The following MAN1A2 variants were observed in gnomAD, a reference collection of about 807,000 sequenced individuals.
The protein encoded by MAN1A2 is mannosidase alpha class 1A member 2.
In MAN1A2, 26 loss-of-function variants were observed where a neutral mutation model predicts 75.7. The ratio of observed to expected loss-of-function variants is 0.34; its 90% CI spans 0.25 to 0.48. MAN1A2 has a LOEUF of 0.48. Ranked by LOEUF, MAN1A2 falls within the 20% of genes least tolerant of loss-of-function variation. MAN1A2 has a pLI of 0.99. For missense variants in MAN1A2, 562 were observed against 775.5 expected (o/e 0.72, Z 3.27); for synonymous variants, 247 against 264.6 (o/e 0.93, Z 0.65).
At chr1:117,461,629 A>G (rs1466758125) in intron 7 of MAN1A2, among the ~76,000 whole-genome samples, 1 of 152,194 alleles carries the variant, frequency 6.6e-6, no homozygotes, top group Non-Finnish European at 1.5e-5. Flanking sequence ...ATCATTATAC[A>G]TTATATGCTA....
At chr1:117,484,022 C>G (rs2101863272) in intron 8 of MAN1A2, among the ~76,000 whole-genome samples, 1 of 151,908 alleles carries the variant, frequency 6.6e-6, no homozygotes, top group East Asian at 2.0e-4. Context: ...GACCCTTGAA[C>G]AACACAGGGG....
chr1:117,377,912 A>C (rs1410352192), intron 1 of MAN1A2, among the ~76,000 whole-genome samples: 6 of 152,160 alleles, frequency 3.9e-5, no homozygotes, highest in Non-Finnish European at 7.3e-5. Context: ...CATCCTGGCT[A>C]ACACGCTGAA....
chr1:117,368,336 T>C lies in MAN1A2; in HGVS notation c.153T>C (p.Phe51=), dbSNP rs1407841838. ...TTAGTGCCTTCATCACTCTGTGTTT[T>C]GGGGCATTCTTTTTCCTTCCAGACT... ...LILSAFITLC[F]GAFFFLPDSS... is the part of the protein sequence containing the mutation. The change falls in exon 1 of 13, where the codon TTT becomes TTC. Residue 51 remains phenylalanine, a synonymous_variant. Coordinates refer to ENST00000356554, the MANE Select transcript of MAN1A2 (RefSeq NM_006699.5). 1 of 1,614,196 alleles carries C rather than the reference T, an allele frequency of 6.2e-7. No individual in the cohort carries two copies. The highest frequency in any genetic ancestry group is 1.1e-5 in the South Asian group (1 of 91,082).
chr1:117,479,853 C>T (rs1218868555), intron 8 of MAN1A2, among the ~76,000 whole-genome samples: 3 of 151,714 alleles, frequency 2.0e-5, no homozygotes, highest in Non-Finnish European at 4.4e-5. Flanking sequence ...CCCTAGAAAT[C>T]TTCTTGAACT....
rs1012808455 is a variant in MAN1A2, at chr1:117,524,865, T to C, written c.*1908T>C. 64 of 303,382 alleles carry C rather than the reference T, an allele frequency of 2.1e-4. 1 individual carries two copies. Among genetic ancestry groups the C allele is most frequent in the Admixed American group, 1.2e-4 (3 of 25,530 alleles). The allele number at this position is 303,382 out of a possible 1,614,324, so 18.8% of individuals were successfully genotyped here. A position where few individuals can be genotyped will look rare whatever the true frequency, so the allele number is the denominator to read the frequency against. On this transcript the variant is annotated 3_prime_UTR_variant, in exon 13 of 13. Transcript: ENST00000356554. ...AATTTCTAAATGAGAAAGGTATATA[T>C]ATTACTGTAACTGTAGAAGGGAAAA...
intron 12 of MAN1A2, 109 bp from the exon 13 acceptor site, chr1:117,522,716 C>A: frequency 1.1e-6 from 1 of 918,374 alleles, no homozygotes; most frequent in Non-Finnish European, 1.7e-6. Flanking sequence ...TGTTTTTCAT[C>A]AAAGCTGCTC....
intron 5 of MAN1A2, among the ~76,000 whole-genome samples, chr1:117,439,707 C>G (rs1433976295): frequency 6.6e-6 from 1 of 152,118 alleles, no homozygotes; most frequent in African/African-American, 2.4e-5. Flanking sequence ...GTTGGCCAGG[C>G]CAGCCTCAAA....
intron 8 of MAN1A2, among the ~76,000 whole-genome samples, chr1:117,492,890 G>C (rs1314687948): frequency 1.3e-5 from 2 of 151,876 alleles, no homozygotes; most frequent in Non-Finnish European, 2.9e-5. Context: ...TGTAATTCAA[G>C]AAAAAGACTA....
chr1:117,493,123 C>G (rs1650933768), intron 8 of MAN1A2, 24 bp from the exon 9 acceptor site: 3 of 1,308,306 alleles, frequency 2.3e-6, no homozygotes, highest in Non-Finnish European at 3.3e-6. Flanking sequence ...TACCTCTATC[C>G]TTCTGTTTTC....
chr1:117,514,641 G>T (rs45526845), intron 12 of MAN1A2, among the ~76,000 whole-genome samples: 17,149 of 152,088 alleles, frequency 0.11, 1,061 homozygotes, highest in Non-Finnish European at 0.14. Context: ...TCTGTTAGTG[G>T]CTTTGTCCAT....
At chr1:117,409,820 TA>T (rs981309011) in intron 3 of MAN1A2, among the ~76,000 whole-genome samples, 1 of 151,858 alleles carries the variant, frequency 6.6e-6, no homozygotes, top group African/African-American at 2.4e-5. Flanking sequence ...AAGATATTTA[TA>T]AAAAAAGGAA....
At chr1:117,377,884 AG>A (rs1653206248) in intron 1 of MAN1A2, among the ~76,000 whole-genome samples, 1 of 152,124 alleles carries the variant, frequency 6.6e-6, no homozygotes, top group Non-Finnish European at 1.5e-5. Context: ...GTGGATCACG[AG>A]GTCAGGTGAT....
intron 6 of MAN1A2, among the ~76,000 whole-genome samples, chr1:117,443,466 T>C (rs929921465): frequency 6.6e-6 from 1 of 152,154 alleles, no homozygotes; most frequent in Non-Finnish European, 1.5e-5. Flanking sequence ...TTTTGTGATA[T>C]TTCCTTCAGG....
chr1:117,445,856 GTGTA>G (rs769183390), intron 6 of MAN1A2, among the ~76,000 whole-genome samples: 15,429 of 76,586 alleles, frequency 0.2, 1,059 homozygotes, highest in Middle Eastern at 0.32. Flanking sequence ...GTGTGTGTGT[GTGTA>G]TGTGTGTGTG....
intron 8 of MAN1A2, among the ~76,000 whole-genome samples, chr1:117,485,783 A>G (rs985870049): frequency 6.6e-6 from 1 of 151,994 alleles, no homozygotes; most frequent in African/African-American, 2.4e-5. Flanking sequence ...TTCAATATGG[A>G]TGTTAGTTTC....
intron 5 of MAN1A2, among the ~76,000 whole-genome samples, chr1:117,420,970 A>C (rs80084874): frequency 1.4e-3 from 215 of 152,192 alleles, no homozygotes; most frequent in African/African-American, 4.9e-3. Context: ...ATAAGGACAA[A>C]ATTAAATAAC....
chr1:117,374,752 AT>A (rs1557923831), intron 1 of MAN1A2, among the ~76,000 whole-genome samples: 1 of 152,094 alleles, frequency 6.6e-6, no homozygotes, highest in Non-Finnish European at 1.5e-5. Context: ...ATCTTTAAAG[AT>A]TTTTTTCTAG....
At chr1:117,520,585 A>G (rs1023469396) in intron 12 of MAN1A2, among the ~76,000 whole-genome samples, 4 of 151,992 alleles carry the variant, frequency 2.6e-5, no homozygotes, top group Non-Finnish European at 4.4e-5. Flanking sequence ...CAAAAAATAA[A>G]AATAAAACAC....
chr1:117,447,395 A>C (rs968553539), intron 6 of MAN1A2, among the ~76,000 whole-genome samples: 1 of 152,234 alleles, frequency 6.6e-6, no homozygotes, highest in East Asian at 1.9e-4. Context: ...TAATATTATC[A>C]AAAAATATTG....
Sources: gnomAD v4.1 joint callset for allele counts (sites outside exome capture counted in the v4.1 genomes callset) on GRCh38, gnomAD v4.1.1 for gene constraint, MANE v1.5 for transcripts, NCBI Gene and HGNC (gene_info 2026-07-23, HGNC 2026-07-21) for gene names.